RANBP2: variants seen among roughly 807,000 people sequenced by gnomAD.
RANBP2 encodes the protein E3 SUMO-protein ligase RanBP2.
Under a neutral mutation model 303.6 loss-of-function variants are expected in RANBP2, and 57 were observed. That is an observed-to-expected ratio of 0.19 (90% CI 0.15 to 0.23). The LOEUF (loss-of-function observed/expected upper bound fraction) is 0.23, where lower values mean the gene tolerates loss of function less well. Among genes scored for constraint, RANBP2 ranks in the 10% least tolerant of loss-of-function variants. The pLI, the probability that RANBP2 is intolerant of heterozygous loss-of-function variation, is 1.00. For synonymous variants in RANBP2, 1,167 were observed against 1,301.5 expected, an observed-to-expected ratio of 0.90 and a Z score of 2.23; for missense variants, 3,138 against 3,780.8, an observed-to-expected ratio of 0.83 and a Z score of 4.46.
chr2:109,352,603 G>A, the RANBP2 span, among the ~76,000 whole-genome samples: 5 of 152,208 alleles, frequency 3.3e-5, no homozygotes, highest in Non-Finnish European at 2.9e-5. Flanking sequence ...GGAGCTCCAC[G>A]TCGTTCTCTC....
At chr2:108,768,548 G>A (rs1358887896) in intron 20 of RANBP2, among the ~76,000 whole-genome samples, 160 bp downstream of exon 20, 7 of 152,044 alleles carry the variant, frequency 4.6e-5, no homozygotes, top group East Asian at 3.8e-4. Flanking sequence ...ATAAGTTCAC[G>A]GTGAGGTTTC....
the RANBP2 span, among the ~76,000 whole-genome samples, chr2:109,162,327 C>G: frequency 6.6e-6 from 1 of 152,364 alleles, no homozygotes; most frequent in East Asian, 1.9e-4. Flanking sequence ...AGAAGTTGCT[C>G]TGACACGTAA....
chr2:109,182,834 T>G, the RANBP2 span, among the ~76,000 whole-genome samples: 2 of 152,254 alleles, frequency 1.3e-5, no homozygotes, highest in Non-Finnish European at 2.9e-5. Context: ...CTCAACTGCC[T>G]GTTTCTAATA....
At chr2:109,352,561 A>G in the RANBP2 span, among the ~76,000 whole-genome samples, 1 of 152,124 alleles carries the variant, frequency 6.6e-6, no homozygotes, top group Non-Finnish European at 1.5e-5. Flanking sequence ...CTTTAGCTTT[A>G]CCTCTTTTTG....
chr2:109,483,953 T>A, the RANBP2 span, among the ~76,000 whole-genome samples: 3,557 of 151,972 alleles, frequency 0.023, 154 homozygotes, highest in African/African-American at 0.081. Context: ...ACCCCCGCCA[T>A]CCCTGTGCCT....
At chr2:108,776,649 C>A (rs1384620916) in intron 24 of RANBP2, among the ~76,000 whole-genome samples, 1 of 152,166 alleles carries the variant, frequency 6.6e-6, no homozygotes, top group Non-Finnish European at 1.5e-5. Context: ...TTTCAGAGAT[C>A]ATGCAGCTTC....
chr2:108,925,162 G>A, the RANBP2 span, among the ~76,000 whole-genome samples: 2 of 151,146 alleles, frequency 1.3e-5, no homozygotes, highest in African/African-American at 4.9e-5. Context: ...GGGCTGGGAG[G>A]CCCTCCAGGG....
the RANBP2 span, chr2:109,129,927 C>G: frequency 1.3e-6 from 2 of 1,490,898 alleles, no homozygotes; most frequent in South Asian, 2.5e-5. Context: ...GCGCGGGCAC[C>G]AGCCCCGGCG....
the RANBP2 span, among the ~76,000 whole-genome samples, chr2:109,387,325 C>T: frequency 6.6e-6 from 1 of 152,206 alleles, no homozygotes; most frequent in Non-Finnish European, 1.5e-5. Context: ...TGTCCCTGTG[C>T]TGCTGTAGAG....
At position 108,768,213 on chromosome 2, in the gene RANBP2, T is replaced by C. The variant is rs1221988004; in HGVS notation, c.7674T>C (p.Ser2558=). The change falls in exon 20 of 29, where the codon AGT becomes AGC. Residue 2558 remains serine (S), a synonymous_variant. Coordinates refer to ENST00000283195, the MANE Select transcript of RANBP2 (RefSeq NM_006267.5). ...SFNAPLKSNN[S]ETSSVAQSGS... ...ATGCACCTTTGAAAAGTAACAATAG[T>C]GAAACTAGTTCAGTAGCCCAGAGTG... The C allele has an allele frequency of 6.8e-6, 11 of 1,611,862 alleles. No individual in the cohort carries two copies. Among genetic ancestry groups the C allele is most frequent in the Non-Finnish European group, 8.5e-6 (10 of 1,179,864 alleles).
At chr2:109,623,669 A>C in the RANBP2 span, among the ~76,000 whole-genome samples, 16 of 152,226 alleles carry the variant, frequency 1.1e-4, no homozygotes, top group Admixed American at 9.2e-4. Context: ...GAAATGGCTC[A>C]TGGCTTAAGG....
At chr2:109,072,760 G>T in the RANBP2 span, among the ~76,000 whole-genome samples, 2 of 152,164 alleles carry the variant, frequency 1.3e-5, no homozygotes, top group Admixed American at 1.3e-4. Context: ...GAGGAGAGAT[G>T]AAATGGACCA....
chr2:108,867,630 G>T, the RANBP2 span, among the ~76,000 whole-genome samples: 3 of 151,730 alleles, frequency 2.0e-5, no homozygotes, highest in South Asian at 6.2e-4. Flanking sequence ...AATGAGGGTG[G>T]ACTTGAAAAA....
At chr2:108,843,750 G>C in the RANBP2 span, among the ~76,000 whole-genome samples, 2 of 149,130 alleles carry the variant, frequency 1.3e-5, no homozygotes, top group Non-Finnish European at 3.0e-5. Flanking sequence ...CTTTATTTTA[G>C]CCTGTTTGGT....
chr2:109,479,877 C>A, the RANBP2 span, among the ~76,000 whole-genome samples: 5 of 152,230 alleles, frequency 3.3e-5, 1 homozygote, highest in African/African-American at 1.2e-4. Flanking sequence ...TACGGCAGCA[C>A]CTAACCCACC....
At chr2:109,079,160 C>T in the RANBP2 span, among the ~76,000 whole-genome samples, 3 of 152,144 alleles carry the variant, frequency 2.0e-5, no homozygotes, top group Non-Finnish European at 2.9e-5. Flanking sequence ...ACCCCTCCTC[C>T]TCCTCCTCCT....
chr2:108,994,894 A>G, the RANBP2 span, among the ~76,000 whole-genome samples: 3 of 147,686 alleles, frequency 2.0e-5, no homozygotes, highest in Admixed American at 6.8e-5. Flanking sequence ...CAGTGGTGCA[A>G]TCTCGGCTCA....
chr2:108,724,126 A>G (rs999750940), intron 1 of RANBP2, among the ~76,000 whole-genome samples: 3 of 152,070 alleles, frequency 2.0e-5, no homozygotes, highest in African/African-American at 4.8e-5. Context: ...GCATAGTCTC[A>G]CTTGCTTTGA....
chr2:109,580,667 G>T, the RANBP2 span, among the ~76,000 whole-genome samples: 1 of 152,130 alleles, frequency 6.6e-6, no homozygotes, highest in South Asian at 2.1e-4. Context: ...CATGATAGAG[G>T]AACTGGGACT....
Sources: gnomAD v4.1 joint callset for allele counts (sites outside exome capture counted in the v4.1 genomes callset) on GRCh38, gnomAD v4.1.1 for gene constraint, MANE v1.5 for transcripts, NCBI Gene and HGNC (gene_info 2026-07-23, HGNC 2026-07-21) for gene names.